The following ANKRD30A variants were observed in gnomAD, a reference collection of about 807,000 sequenced individuals.
ANKRD30A encodes the protein ankyrin repeat domain 30A.
Under a neutral mutation model 166.3 loss-of-function variants are expected in ANKRD30A, and 170 were observed. That is an observed-to-expected ratio of 1.02 (90% CI 0.90 to 1.16). ANKRD30A has a LOEUF of 1.16. Ranked by LOEUF, ANKRD30A falls within the 50% of genes most tolerant of loss-of-function variation. The pLI, the probability that ANKRD30A is intolerant of heterozygous loss-of-function variation, is 0.00. For synonymous variants in ANKRD30A, 564 were observed against 508.9 expected (o/e 1.11, Z -1.46); for missense variants, 1,630 against 1,518.0 (o/e 1.07, Z -1.23).
Position 37,136,684 on chromosome 10 carries a change from A to G in ANKRD30A, c.820+13A>G. The G allele has an allele frequency of 2.9e-6, 4 of 1,376,942 alleles. No individual in the cohort carries two copies. Among genetic ancestry groups the G allele is most frequent in the Non-Finnish European group, 4.0e-6 (4 of 996,928 alleles). 85.3% of individuals were successfully genotyped at this position (1,376,942 alleles called of 1,614,324 possible). A position where few individuals can be genotyped will look rare whatever the true frequency, so the allele number is the denominator to read the frequency against. On this transcript the variant is annotated intron_variant, in intron 6 of 35. Coordinates refer to ENST00000361713, the MANE Select transcript of ANKRD30A (RefSeq NM_052997.3). ...AATACCAATCCAGGTAAGACTTCTG[A>G]TAGTAAACTACCCTTGGTGGTGCTA...
intron 25 of ANKRD30A, among the ~76,000 whole-genome samples, chr10:37,190,937 A>T (rs1401184396): frequency 3.3e-5 from 5 of 151,898 alleles, no homozygotes; most frequent in African/African-American, 1.2e-4. Flanking sequence ...TTGTGTTGGT[A>T]AAATTGCCAT....
Position 37,197,479 on chromosome 10 carries a change from A to G in ANKRD30A, c.2715A>G (p.Ala905=). 8.7e-6 allele frequency: 14 copies of G among 1,612,320 alleles called. No homozygotes were observed. The highest frequency in any genetic ancestry group is 1.2e-5 in the Non-Finnish European group (14 of 1,179,662). ...LELKNEQTLR[A]DQMFPSESKQ... is the part of the protein sequence containing the mutation. ...TGAAGAATGAACAAACATTGAGAGC[A>G]GGTACATTTTTCAATGTAACTATGC... The change falls in exon 29 of 36, where the codon GCA becomes GCG. Residue 905 remains alanine (A), a splice_region_variant and synonymous_variant. Coordinates refer to ENST00000361713, the MANE Select transcript of ANKRD30A (RefSeq NM_052997.3).
rs938475998 is a variant in ANKRD30A, at chr10:37,125,724, G to A, written c.-64G>A. 1.3e-5 allele frequency: 7 copies of A among 551,612 alleles called. No individual in the cohort carries two copies. Among genetic ancestry groups the A allele is most frequent in the African/African-American group, 9.5e-5 (5 of 52,516 alleles). The allele number at this position is 551,612 out of a possible 1,614,324, so 34.2% of individuals were successfully genotyped here. ...AGGGCGAGGGCGATTGGGGAGGGGTGGGGGGTGGTGGCTGGGAAGGGCGAT... is the reference window on the plus strand; with the variant it reads ...AGGGCGAGGGCGATTGGGGAGGGGTAGGGGGTGGTGGCTGGGAAGGGCGAT... On this transcript the variant is annotated 5_prime_UTR_variant, in exon 1 of 36. Coordinates refer to ENST00000361713, the MANE Select transcript of ANKRD30A (RefSeq NM_052997.3).
chr10:37,195,570 A>G (rs1841007600), intron 27 of ANKRD30A, among the ~76,000 whole-genome samples: 1 of 152,180 alleles, frequency 6.6e-6, no homozygotes, highest in South Asian at 2.1e-4. Flanking sequence ...ACTTTAGAAA[A>G]CATAAACAAA....
chr10:37,260,581 A>G, the ANKRD30A span, among the ~76,000 whole-genome samples: 2 of 152,196 alleles, frequency 1.3e-5, no homozygotes, highest in Non-Finnish European at 2.9e-5. Context: ...TCAGGGACCC[A>G]TGGTTACCCA....
At chr10:37,247,247 A>T in the ANKRD30A span, among the ~76,000 whole-genome samples, 1 of 152,194 alleles carries the variant, frequency 6.6e-6, no homozygotes. Context: ...AAAGAGGTAA[A>T]GCACAGAGGA....
intron 31 of ANKRD30A, among the ~76,000 whole-genome samples, chr10:37,201,833 C>A (rs538270231): frequency 1.3e-5 from 2 of 152,160 alleles, no homozygotes; most frequent in Non-Finnish European, 2.9e-5. Flanking sequence ...GGGATGGAAG[C>A]ACCTGACCAT....
At chr10:37,262,536 TA>T in the ANKRD30A span, 1 of 158,606 alleles carries the variant, frequency 6.3e-6, no homozygotes. Context: ...CAGCTTGGAC[TA>T]AAGTAAGTTT....
At chr10:37,160,563 G>C (rs1240519798) in intron 15 of ANKRD30A, among the ~76,000 whole-genome samples, 5 of 152,106 alleles carry the variant, frequency 3.3e-5, no homozygotes, top group Non-Finnish European at 5.9e-5. Flanking sequence ...TCTTGTATAT[G>C]AAATAATGTC....
chr10:37,136,714 A>T, intron 6 of ANKRD30A, 43 bp downstream of exon 6: 1 of 1,124,906 alleles, frequency 8.9e-7, no homozygotes, highest in Non-Finnish European at 1.3e-6. Flanking sequence ...GTGCTATCAT[A>T]AGATTATGGA....
chr10:37,194,850 T>C (rs1249340426), intron 27 of ANKRD30A, among the ~76,000 whole-genome samples: 38 of 152,266 alleles, frequency 2.5e-4, no homozygotes, highest in Middle Eastern at 3.4e-3. Context: ...TGGCAGCTGA[T>C]ATCACAGAGC....
chr10:37,248,181 A>C, the ANKRD30A span: 1 of 635,756 alleles, frequency 1.6e-6, no homozygotes, highest in Non-Finnish European at 3.1e-6. Context: ...TCGGGAGAGC[A>C]TGCTCAGGTT....
the ANKRD30A span, among the ~76,000 whole-genome samples, chr10:37,258,806 AC>A: frequency 6.6e-6 from 1 of 151,700 alleles, no homozygotes; most frequent in South Asian, 2.1e-4. Context: ...TACTAAAAAT[AC>A]AAAAAATTAG....
At chr10:37,138,689 A>G (rs1429586599) in intron 6 of ANKRD30A, among the ~76,000 whole-genome samples, 2 of 152,168 alleles carry the variant, frequency 1.3e-5, no homozygotes, top group African/African-American at 4.8e-5. Context: ...AAAGAATAAA[A>G]AGAAATGAAC....
the ANKRD30A span, among the ~76,000 whole-genome samples, chr10:37,240,366 A>G: frequency 1.3e-5 from 2 of 152,158 alleles, no homozygotes; most frequent in African/African-American, 4.8e-5. Flanking sequence ...TTTAAGGCCA[A>G]CAGACCCAAG....
chr10:37,225,933 G>A (rs993523793), intron 34 of ANKRD30A, among the ~76,000 whole-genome samples: 1 of 151,350 alleles, frequency 6.6e-6, no homozygotes, highest in Admixed American at 6.6e-5. Context: ...AAAAAAATTC[G>A]GCATTCTTTG....
chr10:37,247,647 A>G, the ANKRD30A span, among the ~76,000 whole-genome samples: 1 of 151,658 alleles, frequency 6.6e-6, no homozygotes, highest in East Asian at 2.0e-4. Context: ...CGAGGCGGGC[A>G]GATCACAAGG....
At chr10:37,135,070 C>T (rs1374717379) in intron 5 of ANKRD30A, among the ~76,000 whole-genome samples, 2 of 152,148 alleles carry the variant, frequency 1.3e-5, no homozygotes, top group African/African-American at 4.8e-5. Context: ...GTAAAAATCT[C>T]CCATGCTACT....
chr10:37,193,050 C>A lies in ANKRD30A; in HGVS notation c.2513-14C>A, dbSNP rs768229632. 5 of 1,607,998 alleles carry A rather than the reference C, an allele frequency of 3.1e-6. No homozygotes were observed. Among genetic ancestry groups the A allele is most frequent in the Middle Eastern group, 2.0e-4 (1 of 4,934 alleles). On this transcript the variant is annotated splice_polypyrimidine_tract_variant and intron_variant, in intron 25 of 35. Transcript: ENST00000361713. ...CTTGCATACAATAAATTATATATGT[C>A]CCTTTTCTTTTAGAGTCTCCTGATA...
Sources: allele counts gnomAD v4.1 joint callset (sites outside exome capture counted in the v4.1 genomes callset), GRCh38; gene constraint gnomAD v4.1.1; transcripts MANE v1.5; gene names NCBI Gene and HGNC (gene_info 2026-07-23, HGNC 2026-07-21).